The following TMEM117 variants were observed in gnomAD, a reference collection of about 807,000 sequenced individuals.
TMEM117 encodes the protein transmembrane protein 117.
Under a neutral mutation model 52.4 loss-of-function variants are expected in TMEM117, and 27 were observed. The ratio of observed to expected loss-of-function variants is 0.51; its 90% CI spans 0.38 to 0.71. The LOEUF is 0.71. Ranked by LOEUF, TMEM117 falls within the 30% of genes least tolerant of loss-of-function variation. TMEM117 has a pLI of 0.00. For missense variants in TMEM117, 556 were observed against 630.5 expected (o/e 0.88, Z 1.26); for synonymous variants, 215 against 206.3 (o/e 1.04, Z -0.36).
chr12:43,832,588 AGC>A (rs946445802), upstream of TMEM117, among the ~76,000 whole-genome samples: 4 of 152,370 alleles, frequency 2.6e-5, no homozygotes, highest in African/African-American at 9.6e-5. Context: ...ATAACTTTAT[AGC>A]GAGTAAGCAG....
At chr12:43,882,756 C>T (rs1943920185) in intron 2 of TMEM117, among the ~76,000 whole-genome samples, 1 of 152,182 alleles carries the variant, frequency 6.6e-6, no homozygotes, top group East Asian at 1.9e-4. Context: ...TGGGCAAGGG[C>T]ACCTTCTGGT....
At chr12:44,319,142 C>G (rs1951098027) in intron 6 of TMEM117, among the ~76,000 whole-genome samples, 1 of 152,220 alleles carries the variant, frequency 6.6e-6, no homozygotes, top group African/African-American at 2.4e-5. Context: ...CCAGAGCAAG[C>G]TCTGCAATCT....
At chr12:44,091,138 G>A (rs1947664962) in intron 3 of TMEM117, among the ~76,000 whole-genome samples, 1 of 152,010 alleles carries the variant, frequency 6.6e-6, no homozygotes, top group African/African-American at 2.4e-5. Context: ...CTTACATGGT[G>A]GCGGCAAGAG....
intron 3 of TMEM117, among the ~76,000 whole-genome samples, chr12:43,966,255 A>G (rs1945483636): frequency 6.6e-6 from 1 of 152,216 alleles, no homozygotes; most frequent in African/African-American, 2.4e-5. Context: ...TCCACTAGAA[A>G]AAGAAGGGGA....
the TMEM117 span, among the ~76,000 whole-genome samples, chr12:43,798,871 A>C: frequency 2.0e-5 from 3 of 152,098 alleles, no homozygotes; most frequent in African/African-American, 7.2e-5. Context: ...TGGCTGTAGA[A>C]AACACATTAA....
chr12:44,090,102 C>T (rs930986860), intron 3 of TMEM117, among the ~76,000 whole-genome samples: 1 of 152,152 alleles, frequency 6.6e-6, no homozygotes. Context: ...TTCCACACAT[C>T]AATTCTGATA....
intron 2 of TMEM117, among the ~76,000 whole-genome samples, chr12:43,889,703 G>A (rs935515016): frequency 5.9e-5 from 9 of 152,144 alleles, no homozygotes; most frequent in African/African-American, 2.2e-4. Flanking sequence ...GAGAACTGTT[G>A]AGGGACAGAC....
intron 5 of TMEM117, among the ~76,000 whole-genome samples, chr12:44,264,763 A>G (rs1446282718): frequency 6.6e-6 from 1 of 152,208 alleles, no homozygotes; most frequent in Non-Finnish European, 1.5e-5. Context: ...TATGAAAATC[A>G]TACCAAATGT....
intron 4 of TMEM117, among the ~76,000 whole-genome samples, chr12:44,168,586 T>G (rs1037314209): frequency 6.6e-6 from 1 of 152,222 alleles, no homozygotes; most frequent in Non-Finnish European, 1.5e-5. Flanking sequence ...TGTCGGGCTA[T>G]TCTAAATAAT....
chr12:43,929,104 A>G lies in TMEM117; in HGVS notation c.278-15106A>G, dbSNP rs868142993. Among the ~76,000 whole-genome samples the G allele has an allele frequency of 8.5e-5, 13 of 152,110 alleles. No individual in the cohort carries two copies. The South Asian group carries it at 2.7e-3, about 32-fold the overall frequency. ...GCATGATTTATAGTCCTTTGGGTATATACCCAGTAATGGGATGGCTGGGTC... is the reference window on the plus strand; with the variant it reads ...GCATGATTTATAGTCCTTTGGGTATGTACCCAGTAATGGGATGGCTGGGTC... On this transcript the variant is annotated intron_variant, in intron 2 of 7. Transcript: ENST00000266534.
intron 4 of TMEM117, among the ~76,000 whole-genome samples, chr12:44,184,361 A>T (rs1028804620): frequency 1.3e-5 from 2 of 152,150 alleles, no homozygotes; most frequent in African/African-American, 4.8e-5. Context: ...AAAGTAAAAT[A>T]AAAAAGTAGA....
chr12:44,397,834 A>C, the TMEM117 span, among the ~76,000 whole-genome samples: 1 of 152,066 alleles, frequency 6.6e-6, no homozygotes, highest in African/African-American at 2.4e-5. Flanking sequence ...AGGTCTAAGC[A>C]TAAGTATCCA....
At chr12:44,128,900 C>T (rs983070890) in intron 3 of TMEM117, among the ~76,000 whole-genome samples, 40 of 152,132 alleles carry the variant, frequency 2.6e-4, no homozygotes, top group African/African-American at 8.9e-4. Context: ...ATCCAATATC[C>T]CTTTTGAAGT....
chr12:44,093,181 G>A (rs1947702630), intron 3 of TMEM117, among the ~76,000 whole-genome samples: 1 of 152,004 alleles, frequency 6.6e-6, no homozygotes, highest in African/African-American at 2.4e-5. Context: ...TTTTTTCAGT[G>A]TCTGGTCAAG....
At chr12:43,865,837 A>G (rs1943586002) in intron 2 of TMEM117, among the ~76,000 whole-genome samples, 1 of 151,960 alleles carries the variant, frequency 6.6e-6, no homozygotes, top group Non-Finnish European at 1.5e-5. Context: ...GGCCTTCACC[A>G]ATTTGAAATG....
intron 3 of TMEM117, among the ~76,000 whole-genome samples, chr12:43,990,356 G>T (rs192250887): frequency 1.3e-5 from 2 of 152,184 alleles, no homozygotes. Flanking sequence ...TGACTTTAAG[G>T]TAACTCCAGA....
intron 6 of TMEM117, among the ~76,000 whole-genome samples, chr12:44,341,564 A>G (rs980879057): frequency 1.3e-5 from 2 of 152,104 alleles, no homozygotes; most frequent in Non-Finnish European, 2.9e-5. Flanking sequence ...ATAGTGCTGC[A>G]ATAAACATGG....
At chr12:43,797,184 T>C in the TMEM117 span, 3 of 1,481,268 alleles carry the variant, frequency 2.0e-6, no homozygotes, top group African/African-American at 2.8e-5. Context: ...TAAAAACAAG[T>C]ACAGAAACTT....
At chr12:44,124,739 C>T (rs962646668) in intron 3 of TMEM117, among the ~76,000 whole-genome samples, 1 of 152,176 alleles carries the variant, frequency 6.6e-6, no homozygotes, top group Non-Finnish European at 1.5e-5. Context: ...AGCCTTGCAT[C>T]CCAGGGATGA....
Sources: allele counts gnomAD v4.1 joint callset (sites outside exome capture counted in the v4.1 genomes callset), GRCh38; gene constraint gnomAD v4.1.1; transcripts MANE v1.5; gene names NCBI Gene and HGNC (gene_info 2026-07-23, HGNC 2026-07-21).